The following VAV2 variants were observed in gnomAD, a reference collection of about 807,000 sequenced individuals.
The protein encoded by VAV2 is vav guanine nucleotide exchange factor 2, also known as guanine nucleotide exchange factor VAV2.
Under a neutral mutation model 132.5 loss-of-function variants are expected in VAV2, and 67 were observed. That is an observed-to-expected ratio of 0.51 (90% CI 0.42 to 0.62). VAV2 has a LOEUF of 0.62. Ranked by LOEUF, VAV2 falls within the 20% of genes least tolerant of loss-of-function variation. The pLI, the probability that VAV2 is intolerant of heterozygous loss-of-function variation, is 0.00. For synonymous variants in VAV2, 492 were observed against 443.5 expected (o/e 1.11, Z -1.37); for missense variants, 938 against 1,153.6 (o/e 0.81, Z 2.71).
chr9:133,871,184 G>A (rs1452677923), intron 2 of VAV2, among the ~76,000 whole-genome samples: 1 of 149,010 alleles, frequency 6.7e-6, no homozygotes, highest in East Asian at 2.1e-4. Flanking sequence ...AGATGAGTGG[G>A]TGGATGAATG....
At chr9:133,909,882 C>G (rs551684756) in intron 2 of VAV2, among the ~76,000 whole-genome samples, 69 of 152,244 alleles carry the variant, frequency 4.5e-4, no homozygotes, top group African/African-American at 1.6e-3. Context: ...GCCTGCCACT[C>G]ACTCTCTGTC....
chr9:133,971,931 C>G (rs1842348995), intron 1 of VAV2, among the ~76,000 whole-genome samples: 1 of 152,204 alleles, frequency 6.6e-6, no homozygotes, highest in African/African-American at 2.4e-5. Flanking sequence ...TTGGTCACTT[C>G]AAAGGGCAGA....
intron 2 of VAV2, among the ~76,000 whole-genome samples, chr9:133,864,242 TG>T (rs1440282395): frequency 1.3e-5 from 2 of 152,170 alleles, no homozygotes; most frequent in Non-Finnish European, 2.9e-5. Flanking sequence ...AAGGAATGTG[TG>T]TGTGCTGGGG....
intron 2 of VAV2, among the ~76,000 whole-genome samples, chr9:133,881,892 G>A (rs1463780449): frequency 6.6e-6 from 1 of 152,204 alleles, no homozygotes; most frequent in Non-Finnish European, 1.5e-5. Context: ...CACGCAGCAA[G>A]TACGTGCTGA....
intron 2 of VAV2, among the ~76,000 whole-genome samples, chr9:133,874,690 C>T (rs1838194636): frequency 6.6e-6 from 1 of 152,148 alleles, no homozygotes; most frequent in Non-Finnish European, 1.5e-5. Context: ...TTGCCCCCTC[C>T]AAGAACCTCC....
chr9:133,920,089 G>A (rs1840241045), intron 2 of VAV2, among the ~76,000 whole-genome samples: 1 of 152,132 alleles, frequency 6.6e-6, no homozygotes, highest in Admixed American at 6.5e-5. Context: ...CCCTCTTACC[G>A]CACACCGAGA....
At chr9:133,784,514 G>C (rs1834141950) in intron 17 of VAV2, 96 bp from the exon 18 acceptor site, 1 of 1,363,892 alleles carries the variant, frequency 7.3e-7, no homozygotes, top group Admixed American at 1.7e-5. Flanking sequence ...CCGGACCCAG[G>C]CTGTGCAGAA....
chr9:133,896,160 ATTAACGTTAG>A (rs1469453206), intron 2 of VAV2, among the ~76,000 whole-genome samples: 8 of 152,322 alleles, frequency 5.3e-5, no homozygotes, highest in Admixed American at 2.6e-4. Context: ...TAAAATCTTT[ATTAACGTTAG>A]TAGGTCGGGC....
chr9:133,915,891 TCA>T (rs200444412), intron 2 of VAV2, among the ~76,000 whole-genome samples: 940 of 78,412 alleles, frequency 0.012, 8 homozygotes, highest in African/African-American at 0.035. Flanking sequence ...ACATGCACAC[TCA>T]CACACGATGC....
chr9:133,769,547 C>T lies in VAV2; in HGVS notation c.2348-44G>A, dbSNP rs1389258669. On this transcript the variant is annotated intron_variant, in intron 27 of 29. Transcript: ENST00000371850. This position sits in a 1 kb window ranked among gnomAD's most constrained non-coding sequence, Gnocchi z 8.1. ...GAACGTGAGGCGGGCAGCAGGGCAT[C>T]CACGCACAGTCACGGTGGGCACAGC... 2.5e-6 allele frequency: 4 copies of T among 1,575,006 alleles called. No homozygotes were observed. Among genetic ancestry groups the T allele is most frequent in the Non-Finnish European group, 3.5e-6 (4 of 1,157,062 alleles).
At chr9:133,893,551 C>G (rs1293448419) in intron 2 of VAV2, among the ~76,000 whole-genome samples, 2 of 152,212 alleles carry the variant, frequency 1.3e-5, no homozygotes, top group East Asian at 3.8e-4. Flanking sequence ...GACAAAGGAG[C>G]CAAGATGGCC....
chr9:133,835,779 G>A (rs1836447873), intron 3 of VAV2, among the ~76,000 whole-genome samples: 1 of 152,210 alleles, frequency 6.6e-6, no homozygotes, highest in African/African-American at 2.4e-5. Flanking sequence ...GAGGGCAGGG[G>A]GGAGTCCGCT....
chr9:133,984,824 C>T (rs118074540), intron 1 of VAV2, among the ~76,000 whole-genome samples: 6,504 of 151,674 alleles, frequency 0.043, 206 homozygotes, highest in Middle Eastern at 0.082. Flanking sequence ...GCGATAATTA[C>T]TTGAACCGGG....
At chr9:133,822,199 C>A in intron 4 of VAV2, among the ~76,000 whole-genome samples, 1 of 152,230 alleles carries the variant, frequency 6.6e-6, no homozygotes, top group Non-Finnish European at 1.5e-5. Context: ...CTTTCTGCCC[C>A]TGGTGAGCCT....
intron 1 of VAV2, among the ~76,000 whole-genome samples, chr9:133,970,304 G>T (rs899714374): frequency 6.6e-6 from 1 of 152,194 alleles, no homozygotes; most frequent in Non-Finnish European, 1.5e-5. Context: ...ACCCCCGCCC[G>T]CCATGTCTTG....
At chr9:133,784,446 T>C in intron 17 of VAV2, 28 bp from the exon 18 acceptor site, 1 of 1,611,170 alleles carries the variant, frequency 6.2e-7, no homozygotes, top group Middle Eastern at 1.7e-4. Context: ...GAGCAGATGC[T>C]ACACCCACTG....
At chr9:133,940,609 C>T (rs1028580045) in intron 1 of VAV2, among the ~76,000 whole-genome samples, 11 of 151,884 alleles carry the variant, frequency 7.2e-5, no homozygotes, top group African/African-American at 2.7e-4. Flanking sequence ...TGGCAGGGGT[C>T]GGCTGCTGTT....
At chr9:133,858,888 G>A (rs2131860325) in intron 3 of VAV2, among the ~76,000 whole-genome samples, 1 of 152,322 alleles carries the variant, frequency 6.6e-6, no homozygotes, top group East Asian at 1.9e-4. Context: ...CCAGTCCAGG[G>A]GGCCACTGTG....
At position 133,931,725 on chromosome 9, in the gene VAV2, C is replaced by T. The variant is rs543765258; in HGVS notation, c.321+7378G>A. Among the ~76,000 whole-genome samples, 23 of 152,338 alleles carry T rather than the reference C, an allele frequency of 1.5e-4. No homozygotes were observed. The South Asian group carries it at 2.5e-3, about 16-fold the overall frequency. Reference sequence around the variant, plus strand: ...AGGAGGCTCTGATCAACAGGGGAAGCGGGACCACTGTCCTCACGTCACAGG... The same window carrying T: ...AGGAGGCTCTGATCAACAGGGGAAGTGGGACCACTGTCCTCACGTCACAGG... On this transcript the variant is annotated intron_variant, in intron 2 of 29. Coordinates refer to ENST00000371850, the MANE Select transcript of VAV2 (RefSeq NM_001134398.2).
Sources: gnomAD v4.1 joint callset for allele counts (sites outside exome capture counted in the v4.1 genomes callset) on GRCh38, gnomAD v4.1.1 for gene constraint, Gnocchi (gnomAD v3.1) non-coding constraint, MANE v1.5 for transcripts, NCBI Gene and HGNC (gene_info 2026-07-23, HGNC 2026-07-21) for gene names.